The following PALLD variants were observed in gnomAD, a reference collection of about 807,000 sequenced individuals.
The protein encoded by PALLD is palladin.
In PALLD, 61 loss-of-function variants were observed where a neutral mutation model predicts 123.5. The ratio of observed to expected loss-of-function variants is 0.49; its 90% CI spans 0.40 to 0.61. PALLD has a LOEUF of 0.61. Ranked by LOEUF, PALLD falls within the 20% of genes least tolerant of loss-of-function variation. The pLI is 0.00. For missense variants in PALLD, 1,273 were observed against 1,377.0 expected (o/e 0.92, Z 1.20); for synonymous variants, 465 against 496.4 (o/e 0.94, Z 0.84).
chr4:168,817,836 C>T (rs1186953619), intron 10 of PALLD, among the ~76,000 whole-genome samples: 1 of 152,168 alleles, frequency 6.6e-6, no homozygotes, highest in Admixed American at 6.5e-5. Context: ...CTTTTGAAAG[C>T]CCTCAATAAC....
chr4:168,582,532 C>T (rs947796084), intron 2 of PALLD, among the ~76,000 whole-genome samples: 5 of 152,060 alleles, frequency 3.3e-5, no homozygotes, highest in Non-Finnish European at 7.4e-5. Flanking sequence ...GAAAAGCTTT[C>T]ATTTCTTCGC....
intron 2 of PALLD, among the ~76,000 whole-genome samples, chr4:168,518,315 G>A (rs1156285586): frequency 2.0e-5 from 3 of 152,132 alleles, no homozygotes; most frequent in Middle Eastern, 3.4e-3. Flanking sequence ...CCTTGCTTTC[G>A]TTATTGTTCA....
chr4:168,874,599 AG>A (rs1213381333), intron 10 of PALLD, among the ~76,000 whole-genome samples: 1 of 152,216 alleles, frequency 6.6e-6, no homozygotes, highest in Non-Finnish European at 1.5e-5. Context: ...TTACAGCTGC[AG>A]TAAGGTATAA....
intron 10 of PALLD, among the ~76,000 whole-genome samples, chr4:168,866,973 C>T (rs1750378220): frequency 6.6e-6 from 1 of 152,142 alleles, no homozygotes; most frequent in South Asian, 2.1e-4. Context: ...CTGAGGAAGT[C>T]GCATTGCACA....
chr4:168,770,171 A>C (rs1734200069), intron 10 of PALLD, among the ~76,000 whole-genome samples: 1 of 152,164 alleles, frequency 6.6e-6, no homozygotes, highest in Non-Finnish European at 1.5e-5. Context: ...AGCAACATCT[A>C]CTCTGGAAAC....
chr4:168,924,304 A>G lies in PALLD; in HGVS notation c.3108A>G (p.Thr1036=). The G allele has an allele frequency of 1.9e-6, 3 of 1,614,008 alleles. No homozygotes were observed. Among genetic ancestry groups the G allele is most frequent in the South Asian group, 1.1e-5 (1 of 91,084 alleles). The stretch of plus-strand genomic sequence containing the variant: ...TGTTTATTGAGAAGCTCCAAAACAC[A>G]GGAGTTGCTGATGGGTACCCAGTGC... ...PPVFIEKLQN[T]GVADGYPVRL... is the part of the protein sequence containing the mutation. The change falls in exon 19 of 22, where the codon ACA becomes ACG. Residue 1036 remains threonine (T), a synonymous_variant. Coordinates refer to ENST00000505667, the MANE Select transcript of PALLD (RefSeq NM_001166108.2).
intron 10 of PALLD, among the ~76,000 whole-genome samples, chr4:168,855,598 T>A (rs530191284): frequency 6.6e-6 from 1 of 152,222 alleles, no homozygotes; most frequent in African/African-American, 2.4e-5. Flanking sequence ...CTTGACATTA[T>A]GTAATATGAA....
chr4:168,689,731 A>T (rs997650053), intron 6 of PALLD, among the ~76,000 whole-genome samples: 1 of 152,078 alleles, frequency 6.6e-6, no homozygotes, highest in Non-Finnish European at 1.5e-5. Context: ...TACAGATGTG[A>T]GCCACCACAC....
chr4:168,509,419 A>T (rs1248638974), intron 1 of PALLD, among the ~76,000 whole-genome samples: 5 of 152,204 alleles, frequency 3.3e-5, no homozygotes, highest in Non-Finnish European at 7.3e-5. Context: ...ATATATTACT[A>T]TACCTTTGCC....
At chr4:168,873,607 A>G (rs1020526884) in intron 10 of PALLD, among the ~76,000 whole-genome samples, 1 of 152,232 alleles carries the variant, frequency 6.6e-6, no homozygotes, top group Non-Finnish European at 1.5e-5. Flanking sequence ...CTTGGGTTGC[A>G]GTTTCCCAGA....
At chr4:168,849,083 A>G (rs938311918) in intron 10 of PALLD, among the ~76,000 whole-genome samples, 4 of 152,238 alleles carry the variant, frequency 2.6e-5, no homozygotes, top group Non-Finnish European at 5.9e-5. Flanking sequence ...AGCCACTCCC[A>G]TCGGAACATA....
At chr4:168,667,627 C>T (rs981633293) in intron 2 of PALLD, among the ~76,000 whole-genome samples, 2 of 152,274 alleles carry the variant, frequency 1.3e-5, no homozygotes, top group East Asian at 1.9e-4. Context: ...CTATATCTCT[C>T]CACATCTTGG....
chr4:168,702,997 C>T (rs1356093551), intron 8 of PALLD, among the ~76,000 whole-genome samples: 9 of 142,852 alleles, frequency 6.3e-5, no homozygotes, highest in African/African-American at 1.0e-4. Context: ...CATGCTGGTG[C>T]GCTGCACCCA....
Position 168,868,645 on chromosome 4 carries a change from C to T in PALLD, c.1965-22277C>T, listed in dbSNP as rs1750664447. Among the ~76,000 whole-genome samples the T allele has an allele frequency of 1.3e-5, 2 of 152,196 alleles. 1 individual carries two copies. The highest frequency in any genetic ancestry group is 4.1e-4 in the South Asian group (2 of 4,826). ...GTGATGTTCCAGGCAGACATCAGTG[C>T]TTTAGCTTCTAGCCTCAACACAGGC... On this transcript the variant is annotated intron_variant, in intron 10 of 21. Coordinates refer to ENST00000505667, the MANE Select transcript of PALLD (RefSeq NM_001166108.2).
At chr4:168,748,655 T>C (rs1439667648) in intron 10 of PALLD, among the ~76,000 whole-genome samples, 5 of 152,182 alleles carry the variant, frequency 3.3e-5, no homozygotes, top group Non-Finnish European at 7.4e-5. Context: ...GGCTGTATTT[T>C]CATCTGGAGG....
At chr4:168,738,815 A>G (rs1479057783) in intron 10 of PALLD, among the ~76,000 whole-genome samples, 1 of 151,606 alleles carries the variant, frequency 6.6e-6, no homozygotes, top group Non-Finnish European at 1.5e-5. Context: ...CTTTTTTTAT[A>G]TTAATACCTA....
At chr4:168,837,480 A>G (rs1433087098) in intron 10 of PALLD, among the ~76,000 whole-genome samples, 1 of 152,188 alleles carries the variant, frequency 6.6e-6, no homozygotes, top group African/African-American at 2.4e-5. Context: ...CCAAACCAGC[A>G]CCTATCGGTA....
At chr4:168,529,979 C>G (rs1764451835) in intron 2 of PALLD, among the ~76,000 whole-genome samples, 1 of 152,162 alleles carries the variant, frequency 6.6e-6, no homozygotes, top group Non-Finnish European at 1.5e-5. Context: ...AGGTTTCCCA[C>G]CATTCTAAAT....
Position 168,512,252 on chromosome 4 carries a change from G to A in PALLD, c.748G>A (p.Ala250Thr). 2 of 1,614,076 alleles carry A rather than the reference G, an allele frequency of 1.2e-6. No individual in the cohort carries two copies. Among genetic ancestry groups the A allele is most frequent in the Middle Eastern group, 3.3e-4 (2 of 6,062 alleles). The change falls in exon 2 of 22, where the codon GCA (alanine) becomes ACA (threonine). Residue 250 changes from alanine to threonine, a missense_variant. Coordinates refer to ENST00000505667, the MANE Select transcript of PALLD (RefSeq NM_001166108.2). ...RHCYQDNQDL[A>T]VPHNRKSHPQ... is the part of the protein sequence containing the mutation. ...TTGCTACCAGGACAACCAGGACTTG[G>A]CAGTGCCACACAACCGCAAGTCTCA... is the stretch of plus-strand genomic sequence containing the variant.
Sources: gnomAD v4.1 joint callset for allele counts (sites outside exome capture counted in the v4.1 genomes callset) on GRCh38, gnomAD v4.1.1 for gene constraint, MANE v1.5 for transcripts, NCBI Gene and HGNC (gene_info 2026-07-23, HGNC 2026-07-21) for gene names.